WWOX: variants seen among roughly 807,000 people sequenced by gnomAD.
WWOX encodes WW domain containing oxidoreductase, also known as WW domain-containing oxidoreductase.
Under a neutral mutation model 46.2 loss-of-function variants are expected in WWOX, and 69 were observed. The ratio of observed to expected loss-of-function variants is 1.49; its 90% CI spans 1.23 to 1.82. The LOEUF is 1.82. Ranked by LOEUF, WWOX falls within the 40% of genes most tolerant of loss-of-function variation. The pLI, the probability that WWOX is intolerant of heterozygous loss-of-function variation, is 0.00. For synonymous variants in WWOX, 359 were observed against 202.6 expected (o/e 1.77, Z -6.56); for missense variants, 919 against 542.6 (o/e 1.69, Z -6.89).
chr16:78,277,543 G>C (rs1256321242), intron 5 of WWOX, among the ~76,000 whole-genome samples: 1 of 152,098 alleles, frequency 6.6e-6, no homozygotes, highest in Non-Finnish European at 1.5e-5. Context: ...TCAAAGCTGG[G>C]CAGGGGGTGG....
intron 8 of WWOX, among the ~76,000 whole-genome samples, chr16:78,605,865 C>A (rs2045744296): frequency 1.3e-5 from 2 of 152,084 alleles, no homozygotes; most frequent in South Asian, 4.1e-4. Flanking sequence ...TTTTCCAGCA[C>A]CATATTTGGC....
At chr16:78,594,268 C>G (rs1234604765) in intron 8 of WWOX, among the ~76,000 whole-genome samples, 1 of 152,060 alleles carries the variant, frequency 6.6e-6, no homozygotes, top group South Asian at 2.1e-4. Flanking sequence ...CCTCTGCAGC[C>G]TTGCAAAGTC....
intron 8 of WWOX, among the ~76,000 whole-genome samples, chr16:78,643,614 G>A (rs962290106): frequency 2.0e-5 from 3 of 152,102 alleles, no homozygotes; most frequent in African/African-American, 7.2e-5. Flanking sequence ...CGCTGAATCT[G>A]CTTATAAGGC....
intron 8 of WWOX, among the ~76,000 whole-genome samples, chr16:78,972,005 C>T (rs953078640): frequency 6.6e-6 from 1 of 152,156 alleles, no homozygotes; most frequent in Non-Finnish European, 1.5e-5. Flanking sequence ...TGTCCACCTG[C>T]TGTTTACTCC....
chr16:78,951,720 G>T (rs563049263), intron 8 of WWOX, among the ~76,000 whole-genome samples: 4 of 152,168 alleles, frequency 2.6e-5, no homozygotes, highest in African/African-American at 7.2e-5. Context: ...AGGTGAGGGG[G>T]TTAAGAGGCC....
intron 4 of WWOX, among the ~76,000 whole-genome samples, chr16:78,163,322 C>G (rs1277480581): frequency 1.3e-5 from 2 of 152,190 alleles, no homozygotes; most frequent in Non-Finnish European, 2.9e-5. Context: ...AGCTGAGTTT[C>G]CACTCTTGTG....
At chr16:78,164,906 G>A (rs2034921872) in intron 5 of WWOX, among the ~76,000 whole-genome samples, 1 of 152,224 alleles carries the variant, frequency 6.6e-6, no homozygotes. Flanking sequence ...GTGTGATGGA[G>A]TCATCAGCAG....
At chr16:78,511,810 G>T (rs939064131) in intron 8 of WWOX, among the ~76,000 whole-genome samples, 1 of 152,188 alleles carries the variant, frequency 6.6e-6, no homozygotes, top group Non-Finnish European at 1.5e-5. Flanking sequence ...GCAGACATGG[G>T]ATGGCTTTTG....
chr16:79,011,568 C>G (rs113223520), intron 8 of WWOX, among the ~76,000 whole-genome samples: 8,130 of 151,148 alleles, frequency 0.054, 348 homozygotes, highest in African/African-American at 0.12. Flanking sequence ...GATGGCTCAC[C>G]ACAGCCTCAG....
At chr16:78,604,685 C>T (rs1279900926) in intron 8 of WWOX, among the ~76,000 whole-genome samples, 1 of 36,244 alleles carries the variant, frequency 2.8e-5, no homozygotes, top group African/African-American at 1.2e-4. Context: ...TCCCTCCTTC[C>T]CCCCTCCCTC....
At chr16:78,845,664 G>A (rs1355526308) in intron 8 of WWOX, among the ~76,000 whole-genome samples, 4 of 152,212 alleles carry the variant, frequency 2.6e-5, no homozygotes, top group Admixed American at 1.3e-4. Flanking sequence ...CTATGATTAA[G>A]TAAGTAATGG....
At chr16:78,805,122 T>C (rs548138651) in intron 8 of WWOX, among the ~76,000 whole-genome samples, 1 of 150,062 alleles carries the variant, frequency 6.7e-6, no homozygotes, top group South Asian at 2.2e-4. Context: ...TACCAAAATA[T>C]CAAAATTTAA....
At chr16:78,374,872 G>C (rs1285183092) in intron 5 of WWOX, among the ~76,000 whole-genome samples, 1 of 151,918 alleles carries the variant, frequency 6.6e-6, no homozygotes, top group Non-Finnish European at 1.5e-5. Flanking sequence ...TTTTAGTAGA[G>C]ACGGGTTTTC....
chr16:78,453,964 T>C (rs144430739), intron 8 of WWOX, among the ~76,000 whole-genome samples: 1 of 152,322 alleles, frequency 6.6e-6, no homozygotes, highest in Non-Finnish European at 1.5e-5. Flanking sequence ...ATTGGGCAGA[T>C]CTGGATTTCA....
chr16:78,507,352 C>A (rs377011896), intron 8 of WWOX, among the ~76,000 whole-genome samples: 2 of 152,150 alleles, frequency 1.3e-5, no homozygotes, highest in Non-Finnish European at 2.9e-5. Context: ...GCAACTGACC[C>A]TTGGGATAAA....
intron 8 of WWOX, among the ~76,000 whole-genome samples, chr16:78,607,567 T>C (rs1040520185): frequency 3.3e-5 from 5 of 152,110 alleles, no homozygotes; most frequent in Non-Finnish European, 5.9e-5. Context: ...AACTGTTGTC[T>C]TAGACCCGGA....
chr16:78,156,072 G>T lies in WWOX; in HGVS notation c.410-8111G>T, dbSNP rs376376085. On this transcript the variant is annotated intron_variant, in intron 4 of 8. Transcript: ENST00000566780. ...GCTTTTAAAAGTAGACTAGCAACGG[G>T]TAATGCATTGCTTAGATAAAGGAAG... Among the ~76,000 whole-genome samples, 134 of 152,288 alleles carry T rather than the reference G, an allele frequency of 8.8e-4. 1 individual carries two copies. The highest frequency in any genetic ancestry group is 3.4e-3 in the Middle Eastern group (1 of 294).
At chr16:78,195,288 C>G (rs1246783127) in intron 5 of WWOX, among the ~76,000 whole-genome samples, 1 of 152,176 alleles carries the variant, frequency 6.6e-6, no homozygotes, top group Non-Finnish European at 1.5e-5. Context: ...TTAAACCTGA[C>G]AGATGCCTCC....
At chr16:78,551,802 G>C (rs1274074073) in intron 8 of WWOX, 1 of 152,154 alleles carries the variant, frequency 6.6e-6, no homozygotes, top group African/African-American at 2.4e-5. Context: ...GGACATGATT[G>C]CTCTTCATTT....
Sources: gnomAD v4.1 joint callset for allele counts (sites outside exome capture counted in the v4.1 genomes callset) on GRCh38, gnomAD v4.1.1 for gene constraint, MANE v1.5 for transcripts, NCBI Gene and HGNC (gene_info 2026-07-23, HGNC 2026-07-21) for gene names.